Variants in TENM3 observed in about 807,000 individuals in gnomAD.
The protein encoded by TENM3 is teneurin-3.
In TENM3, 63 loss-of-function variants were observed where a neutral mutation model predicts 255.1. That is an observed-to-expected ratio of 0.25 (90% CI 0.20 to 0.30). The LOEUF is 0.30. Among genes scored for constraint, TENM3 ranks in the 10% least tolerant of loss-of-function variants. TENM3 has a pLI of 1.00. For missense variants in TENM3, 2,929 were observed against 3,461.1 expected (o/e 0.85, Z 3.86); for synonymous variants, 1,306 against 1,322.3 (o/e 0.99, Z 0.27).
the TENM3 span, among the ~76,000 whole-genome samples, chr4:181,737,423 A>G: frequency 6.6e-6 from 1 of 152,100 alleles, no homozygotes; most frequent in African/African-American, 2.4e-5. Context: ...TCCTCCTGTC[A>G]TGCTCTTAAG....
At chr4:182,249,686 G>C (rs1422473676) in intron 1 of TENM3, among the ~76,000 whole-genome samples, 1 of 152,158 alleles carries the variant, frequency 6.6e-6, no homozygotes, top group Non-Finnish European at 1.5e-5. Flanking sequence ...GGATGGGTCT[G>C]ATAGAGAGGG....
At chr4:182,520,179 T>C (rs934984915) in intron 3 of TENM3, among the ~76,000 whole-genome samples, 1 of 152,178 alleles carries the variant, frequency 6.6e-6, no homozygotes, top group Non-Finnish European at 1.5e-5. Context: ...GCAGACTACA[T>C]GATCTTGTCT....
At position 182,653,874 on chromosome 4, in the gene TENM3, A is replaced by G. The variant is rs1480853239; in HGVS notation, c.1092A>G (p.Ser364=). 1.9e-6 allele frequency: 3 copies of G among 1,612,388 alleles called. No individual in the cohort carries two copies. Among genetic ancestry groups the G allele is most frequent in the Non-Finnish European group, 1.7e-6 (2 of 1,179,164 alleles). ...NSDTMPTNTV[S]LPSGDNGKLG... The stretch of plus-strand genomic sequence containing the variant: ...ATACCATGCCAACAAACACTGTGTC[A>G]TTACCTTCTGGAGACAATGGTAAGC... The change falls in exon 6 of 28, where the codon TCA becomes TCG. Residue 364 remains serine, a synonymous_variant. Transcript: ENST00000511685.
At chr4:182,440,733 G>A (rs1248314755) in intron 3 of TENM3, among the ~76,000 whole-genome samples, 1 of 152,060 alleles carries the variant, frequency 6.6e-6, no homozygotes, top group Non-Finnish European at 1.5e-5. Flanking sequence ...TATATGAAAG[G>A]TCCTTATTGA....
chr4:182,799,985 G>C lies in TENM3; in HGVS notation c.7734G>C (p.Thr2578=), dbSNP rs769349124. The C allele has an allele frequency of 6.3e-7, 1 of 1,591,762 alleles. No homozygotes were observed. The highest frequency in any genetic ancestry group is 8.5e-7 in the Non-Finnish European group (1 of 1,169,946). Residue 2578 remains threonine (T), a synonymous_variant, in exon 28 of 28, where the codon ACG becomes ACC. Transcript: ENST00000511685. The surrounding 1 kb of genome is among the most constrained non-coding windows in gnomAD (Gnocchi z 4.2). ...CGCTGGAGAACGGCATCAACGTGAC[G>C]GTGTCGCAGTCCACCACGGTGGTGA... ...RKALENGINV[T]VSQSTTVVNG...
the TENM3 span, among the ~76,000 whole-genome samples, chr4:181,473,161 A>C: frequency 1.3e-5 from 2 of 152,230 alleles, no homozygotes. Context: ...ATAATGTTAA[A>C]AAATCAAAAT....
At chr4:181,605,605 GAAAGAAAGAAAA>G in the TENM3 span, among the ~76,000 whole-genome samples, 3,403 of 122,168 alleles carry the variant, frequency 0.028, 350 homozygotes, top group East Asian at 0.041. Flanking sequence ...AAGAAAGAAA[GAAAGAAAGAAAA>G]GAAAGAACAA....
At chr4:182,674,437 A>G (rs946740078) in intron 7 of TENM3, among the ~76,000 whole-genome samples, 1 of 151,990 alleles carries the variant, frequency 6.6e-6, no homozygotes, top group African/African-American at 2.4e-5. Flanking sequence ...TAGTGTATTC[A>G]TTTTTCCTAT....
intron 4 of TENM3, among the ~76,000 whole-genome samples, chr4:182,614,926 G>A (rs2152437239): frequency 6.6e-6 from 1 of 150,870 alleles, no homozygotes; most frequent in Middle Eastern, 3.4e-3. Context: ...TGAGAGTATG[G>A]CAGGGCGTCC....
the TENM3 span, among the ~76,000 whole-genome samples, chr4:181,961,114 C>T: frequency 1.3e-5 from 2 of 152,170 alleles, no homozygotes; most frequent in African/African-American, 4.8e-5. Context: ...TCCATGGGCA[C>T]CCACTACCTT....
At chr4:181,771,172 T>G in the TENM3 span, among the ~76,000 whole-genome samples, 58,526 of 152,076 alleles carry the variant, frequency 0.38, 11,858 homozygotes, top group Non-Finnish European at 0.43. Flanking sequence ...TGCTTTAATG[T>G]GTGCCTTTAA....
At chr4:181,709,619 A>C in the TENM3 span, among the ~76,000 whole-genome samples, 1 of 152,244 alleles carries the variant, frequency 6.6e-6, no homozygotes, top group South Asian at 2.1e-4. Context: ...CAACAAATTG[A>C]GATCAGAAGG....
intron 3 of TENM3, among the ~76,000 whole-genome samples, chr4:182,421,363 G>T (rs1362726019): frequency 6.6e-6 from 1 of 152,132 alleles, no homozygotes; most frequent in Non-Finnish European, 1.5e-5. Context: ...GGCCAAGAGA[G>T]CAATAACCAC....
At chr4:182,347,497 G>A (rs1764904075) in intron 3 of TENM3, among the ~76,000 whole-genome samples, 1 of 152,162 alleles carries the variant, frequency 6.6e-6, no homozygotes, top group South Asian at 2.1e-4. Flanking sequence ...GGTAAAGAGG[G>A]GGAGTGTGGC....
chr4:182,668,996 A>G (rs1655268088), intron 6 of TENM3, among the ~76,000 whole-genome samples: 1 of 152,226 alleles, frequency 6.6e-6, no homozygotes, highest in Admixed American at 6.5e-5. Context: ...AGATTAAATT[A>G]CATATGCTTC....
chr4:181,568,085 CT>C, the TENM3 span, among the ~76,000 whole-genome samples: 2 of 151,706 alleles, frequency 1.3e-5, no homozygotes, highest in Non-Finnish European at 2.9e-5. Flanking sequence ...TTTTCTCATC[CT>C]TTTTTACAGT....
the TENM3 span, among the ~76,000 whole-genome samples, chr4:181,904,752 T>G: frequency 6.6e-6 from 1 of 152,302 alleles, no homozygotes; most frequent in South Asian, 2.1e-4. Context: ...TTCCAAGCTA[T>G]ATAAAATAGT....
the TENM3 span, among the ~76,000 whole-genome samples, chr4:181,591,981 C>T: frequency 6.6e-6 from 1 of 151,674 alleles, no homozygotes; most frequent in Non-Finnish European, 1.5e-5. Flanking sequence ...AGTCCATACT[C>T]TATGATTTCA....
At chr4:181,567,245 A>T in the TENM3 span, among the ~76,000 whole-genome samples, 1 of 152,234 alleles carries the variant, frequency 6.6e-6, no homozygotes, top group African/African-American at 2.4e-5. Context: ...GGAACCTTTC[A>T]TTATAACTCC....
Sources: allele counts gnomAD v4.1 joint callset (sites outside exome capture counted in the v4.1 genomes callset), GRCh38; gene constraint gnomAD v4.1.1; non-coding constraint Gnocchi (gnomAD v3.1); transcripts MANE v1.5; gene names NCBI Gene and HGNC (gene_info 2026-07-23, HGNC 2026-07-21).